The following KCNG3 variants were observed in gnomAD, a reference collection of about 807,000 sequenced individuals.
KCNG3 encodes the protein potassium voltage-gated channel modifier subfamily G member 3.
In KCNG3, 15 loss-of-function variants were observed where a neutral mutation model predicts 29.0. The ratio of observed to expected loss-of-function variants is 0.52; its 90% CI spans 0.35 to 0.80. The LOEUF is 0.80. KCNG3 is among the 30% of genes least tolerant of loss of function. KCNG3 has a pLI of 0.01. For synonymous variants in KCNG3, 322 were observed against 248.9 expected, an observed-to-expected ratio of 1.29 and a Z score of -2.76; for missense variants, 512 against 605.7, an observed-to-expected ratio of 0.85 and a Z score of 1.62.
chr2:42,492,827 T>A lies in KCNG3; in HGVS notation c.665+10A>T. The A allele has an allele frequency of 1.4e-6, 2 of 1,471,738 alleles. No individual in the cohort carries two copies. The highest frequency in any genetic ancestry group is 1.8e-6 in the Non-Finnish European group (2 of 1,114,096). The allele number at this position is 1,471,738 out of a possible 1,614,324, so 91.2% of individuals were successfully genotyped here. On this transcript the variant is annotated intron_variant, in intron 1 of 1. Coordinates refer to ENST00000306078, the MANE Select transcript of KCNG3 (RefSeq NM_133329.6). Reference sequence around the variant, plus strand: ...ACGGACGGGACGGGTAGAGAAGCAGTGCGTCCTACCCGGAGGGCTCCCTCC... The same window carrying A: ...ACGGACGGGACGGGTAGAGAAGCAGAGCGTCCTACCCGGAGGGCTCCCTCC...
the KCNG3 span, among the ~76,000 whole-genome samples, chr2:42,423,369 C>T: frequency 1.3e-5 from 2 of 152,198 alleles, no homozygotes; most frequent in African/African-American, 4.8e-5. Flanking sequence ...GACTTAGGTC[C>T]TTCAGTGGCT....
chr2:42,454,048 T>A (rs1672824062), intron 1 of KCNG3, among the ~76,000 whole-genome samples: 1 of 147,606 alleles, frequency 6.8e-6, no homozygotes, highest in East Asian at 2.0e-4. Flanking sequence ...TTATTAATCA[T>A]CAGAAAAATG....
chr2:42,438,514 A>G (rs1387839944), downstream of KCNG3, among the ~76,000 whole-genome samples: 1 of 152,212 alleles, frequency 6.6e-6, no homozygotes, highest in Non-Finnish European at 1.5e-5. Context: ...TAAATGTTAT[A>G]TTTGGTATAG....
chr2:42,415,942 C>A, the KCNG3 span, among the ~76,000 whole-genome samples: 1 of 152,170 alleles, frequency 6.6e-6, no homozygotes, highest in African/African-American at 2.4e-5. Flanking sequence ...TGGCTGTAAT[C>A]TGAGTACTTT....
At chr2:42,483,163 T>G (rs1008226933) in intron 1 of KCNG3, among the ~76,000 whole-genome samples, 1 of 152,168 alleles carries the variant, frequency 6.6e-6, no homozygotes, top group Non-Finnish European at 1.5e-5. Context: ...TTTTTTTAAT[T>G]ACGTTGTTTC....
Position 42,442,078 on chromosome 2 carries a change from T to C in KCNG3, c.*1856A>G, listed in dbSNP as rs1396089413. The C allele has an allele frequency of 6.6e-6, 1 of 152,128 alleles. No individual in the cohort carries two copies. Among genetic ancestry groups the C allele is most frequent in the Non-Finnish European group, 1.5e-5 (1 of 68,028 alleles). 9.4% of individuals were successfully genotyped at this position (152,128 alleles called of 1,614,324 possible). ...TGCTATCATCTGCACATTGTTTGCA[T>C]GAACCACAAAGCTTTAATCCAAATA... On this transcript the variant is annotated 3_prime_UTR_variant, in exon 2 of 2. Transcript: ENST00000306078.
the KCNG3 span, among the ~76,000 whole-genome samples, chr2:42,391,933 T>C: frequency 1.3e-5 from 2 of 152,212 alleles, no homozygotes; most frequent in African/African-American, 4.8e-5. Flanking sequence ...CTTTGATGAA[T>C]TCCATCAATA....
At chr2:42,475,391 C>T (rs1231572765) in intron 1 of KCNG3, among the ~76,000 whole-genome samples, 10 of 146,648 alleles carry the variant, frequency 6.8e-5, no homozygotes, top group Admixed American at 7.0e-5. Flanking sequence ...TACAGTGGTG[C>T]GATCTTGGCT....
chr2:42,431,608 G>A, the KCNG3 span, among the ~76,000 whole-genome samples: 2 of 152,150 alleles, frequency 1.3e-5, no homozygotes, highest in Non-Finnish European at 2.9e-5. Flanking sequence ...CGGGAAACTC[G>A]CAAGTGAGCT....
At position 42,443,955 on chromosome 2, in the gene KCNG3, G is replaced by A; in HGVS notation, c.1290C>T (p.Leu430=). The A allele has an allele frequency of 1.2e-6, 2 of 1,607,504 alleles. No individual in the cohort carries two copies. The highest frequency in any genetic ancestry group is 1.7e-6 in the Non-Finnish European group (2 of 1,176,968). Residue 430 remains leucine, a synonymous_variant, in exon 2 of 2, where the codon CTC becomes CTT. Coordinates refer to ENST00000306078, the MANE Select transcript of KCNG3 (RefSeq NM_133329.6). ...TGCATTAATTCAGGAATTCAGTGGA[G>A]AGGCTCCTACTATACCTAGCAGATC... ...KFRSARYSRS[L]STEFLN
intron 1 of KCNG3, among the ~76,000 whole-genome samples, chr2:42,455,876 T>C (rs188928954): frequency 1.3e-5 from 2 of 150,936 alleles, no homozygotes; most frequent in African/African-American, 4.8e-5. Flanking sequence ...ACACAAGCAA[T>C]AGGCCAACAC....
At chr2:42,467,296 A>G (rs1390325584) in intron 1 of KCNG3, among the ~76,000 whole-genome samples, 1 of 152,190 alleles carries the variant, frequency 6.6e-6, no homozygotes, top group South Asian at 2.1e-4. Flanking sequence ...GTTCTATCAT[A>G]TACCAAGCAT....
the KCNG3 span, among the ~76,000 whole-genome samples, chr2:42,393,342 C>T: frequency 2.6e-5 from 4 of 151,400 alleles, no homozygotes; most frequent in East Asian, 7.8e-4. Flanking sequence ...GGGCAGATCA[C>T]TTGAGGTCAG....
the KCNG3 span, among the ~76,000 whole-genome samples, chr2:42,427,880 G>A: frequency 2.0e-5 from 3 of 152,026 alleles, no homozygotes; most frequent in Non-Finnish European, 4.4e-5. Context: ...CTAAAATGAA[G>A]GATAATACAA....
At chr2:42,410,651 T>G in the KCNG3 span, among the ~76,000 whole-genome samples, 1 of 152,178 alleles carries the variant, frequency 6.6e-6, no homozygotes, top group East Asian at 1.9e-4. Flanking sequence ...TATTTGGTTG[T>G]TGATTCTTGT....
intron 1 of KCNG3, among the ~76,000 whole-genome samples, chr2:42,456,493 G>A (rs1672876189): frequency 1.3e-5 from 2 of 152,240 alleles, no homozygotes; most frequent in South Asian, 2.1e-4. Flanking sequence ...TCCAGCCTAA[G>A]CAAGAGTGAG....
the KCNG3 span, among the ~76,000 whole-genome samples, chr2:42,393,631 G>A: frequency 4.7e-4 from 72 of 152,216 alleles, 2 homozygotes; most frequent in African/African-American, 1.2e-3. Flanking sequence ...AGTACTGTTA[G>A]ACTTAGACTC....
chr2:42,476,847 T>A (rs979033508), intron 1 of KCNG3, among the ~76,000 whole-genome samples: 1 of 150,920 alleles, frequency 6.6e-6, no homozygotes, highest in Admixed American at 6.6e-5. Context: ...TGCAAAAGAA[T>A]TTGTTGCCCA....
chr2:42,396,462 C>G, the KCNG3 span, among the ~76,000 whole-genome samples: 1 of 151,982 alleles, frequency 6.6e-6, no homozygotes, highest in African/African-American at 2.4e-5. Flanking sequence ...ATAAAAAGTC[C>G]AACCAACCAA....
Sources: allele counts gnomAD v4.1 joint callset (sites outside exome capture counted in the v4.1 genomes callset), GRCh38; gene constraint gnomAD v4.1.1; transcripts MANE v1.5; gene names NCBI Gene and HGNC (gene_info 2026-07-23, HGNC 2026-07-21).